DGKA: variants seen among roughly 807,000 people sequenced by gnomAD.
DGKA encodes diacylglycerol kinase alpha, also known as 80 kDa diacylglycerol kinase.
Under a neutral mutation model 105.0 loss-of-function variants are expected in DGKA, and 35 were observed. That is an observed-to-expected ratio of 0.33 (90% CI 0.25 to 0.44). The LOEUF is 0.44. DGKA is among the 20% of genes least tolerant of loss of function. The pLI is 1.00. For missense variants in DGKA, 665 were observed against 915.0 expected, an observed-to-expected ratio of 0.73 and a Z score of 3.53; for synonymous variants, 296 against 332.0, an observed-to-expected ratio of 0.89 and a Z score of 1.18.
At chr12:55,950,329 C>T (rs1427919685) in intron 17 of DGKA, among the ~76,000 whole-genome samples, 2 of 147,964 alleles carry the variant, frequency 1.4e-5, no homozygotes, top group African/African-American at 5.0e-5. Context: ...TTTTTTGAGA[C>T]GGAGTCTTGC....
At chr12:55,939,550 G>T (rs1885459069) in intron 9 of DGKA, 21 bp downstream of exon 9, 2 of 1,611,130 alleles carry the variant, frequency 1.2e-6, no homozygotes, top group African/African-American at 1.3e-5. Context: ...GGAGCTGGGA[G>T]GTAGGGGAAG....
At chr12:55,938,706 C>T (rs1297406878) in intron 6 of DGKA, 146 bp downstream of exon 6, 1 of 1,570,782 alleles carries the variant, frequency 6.4e-7, no homozygotes, top group Non-Finnish European at 8.6e-7. Context: ...AAAGTAAGTC[C>T]CAAGCTCTTG....
In DGKA at chr12:55,932,680, AAT is replaced by A; in HGVS notation, c.-82+1337_-82+1338del. The A allele has an allele frequency of 1.5e-6, 1 of 680,482 alleles. No homozygotes were observed. Among genetic ancestry groups the A allele is most frequent in the South Asian group, 1.5e-5 (1 of 65,026 alleles). The allele number at this position is 680,482 out of a possible 1,614,324, so 42.2% of individuals were successfully genotyped here. A position where few individuals can be genotyped will look rare whatever the true frequency, so the allele number is the denominator to read the frequency against. On this transcript the variant is annotated intron_variant, in intron 1 of 23. Coordinates refer to ENST00000331886, the MANE Select transcript of DGKA (RefSeq NM_001345.5). This position sits in a 1 kb window ranked among gnomAD's most constrained non-coding sequence, Gnocchi z 4.3. ...ATCGTAACTTCCTCCTATACTACGC[AAT>A]GACACCCTCTACACACACACACACA...
intron 1 of DGKA, among the ~76,000 whole-genome samples, chr12:55,934,743 C>T (rs1249181325): frequency 1.3e-5 from 2 of 152,248 alleles, no homozygotes; most frequent in Non-Finnish European, 2.9e-5. Flanking sequence ...CTCCTTTCCT[C>T]TGACTGTCAG....
At chr12:55,950,263 G>A (rs1010067416) in intron 17 of DGKA, among the ~76,000 whole-genome samples, 4 of 151,034 alleles carry the variant, frequency 2.6e-5, no homozygotes, top group East Asian at 2.0e-4. Flanking sequence ...ATCAGCCATC[G>A]CGCCCGGCCT....
chr12:55,937,508 C>T lies in DGKA; in HGVS notation c.239C>T (p.Thr80Ile). The change falls in exon 4 of 24, where the codon ACT (threonine) becomes ATT (isoleucine). Residue 80 changes from threonine to isoleucine, a missense_variant. Around this residue, in one of 3 missense-constraint regions of DGKA, gnomAD observed 504 missense variants for 681.2 expected, o/e 0.74. Coordinates refer to ENST00000331886, the MANE Select transcript of DGKA (RefSeq NM_001345.5). ...LSLALFQSFE[T>I]GHCLNETNVT... ...CTGGCACTGTTTCAATCCTTTGAGA[C>T]TGGTCACTGCTTAAATGAGACAAAT... 1 of 1,614,204 alleles carries T rather than the reference C, an allele frequency of 6.2e-7. No individual in the cohort carries two copies. The highest frequency in any genetic ancestry group is 8.5e-7 in the Non-Finnish European group (1 of 1,180,046).
At position 55,940,882 on chromosome 12, in the gene DGKA, T is replaced by G. The variant is rs767349259; in HGVS notation, c.1018-15T>G. On this transcript the variant is annotated splice_polypyrimidine_tract_variant and intron_variant, in intron 12 of 23. Coordinates refer to ENST00000331886, the MANE Select transcript of DGKA (RefSeq NM_001345.5). This position sits in a 1 kb window ranked among gnomAD's most constrained non-coding sequence, Gnocchi z 4.3. ...CAATACAGCTTTTCTTCCCTCTACT[T>G]TCTTCCCCTCCCAGGCCTCTGGACC... 4 of 1,613,550 alleles carry G rather than the reference T, an allele frequency of 2.5e-6. No individual in the cohort carries two copies. In the African/African-American group the frequency reaches 4.0e-5, roughly 16 times the overall value.
Position 55,932,713 on chromosome 12 carries a change from A to ACG in DGKA, c.-82+1370_-82+1371insGC. 4.1e-5 allele frequency: 8 copies of ACG among 195,968 alleles called. No individual in the cohort carries two copies. Among genetic ancestry groups the ACG allele is most frequent in the Non-Finnish European group, 7.6e-5 (8 of 105,220 alleles). 12.1% of individuals were successfully genotyped at this position (195,968 alleles called of 1,614,324 possible). ...CCTCTACACACACACACACACGCAC[A>ACG]CACACACACACACACACACACACAC... On this transcript the variant is annotated intron_variant, in intron 1 of 23. Transcript: ENST00000331886. The surrounding 1 kb of genome is among the most constrained non-coding windows in gnomAD (Gnocchi z 4.3).
chr12:55,938,519 A>G lies in DGKA; in HGVS notation c.358A>G (p.Lys120Glu). 2 of 1,614,054 alleles carry G rather than the reference A, an allele frequency of 1.2e-6. No homozygotes were observed. The highest frequency in any genetic ancestry group is 1.7e-6 in the Non-Finnish European group (2 of 1,179,992). Residue 120 changes from lysine (K) to glutamate (E), a missense_variant, in exon 6 of 24, where the codon AAG (lysine) becomes GAG (glutamate). Physicochemically the swap from Lys to Glu is moderately conservative, Grantham distance 56 (BLOSUM62 1). Transcript: ENST00000331886. ...CCTAAAACACCCCACAGTCACCTTC[A>G]AGCTGTACGACACGGACAGAAATGG... The part of the protein sequence containing the change: ...RPEDKLEFTF[K>E]LYDTDRNGIL...
In DGKA at chr12:55,939,542, A is replaced by T; in HGVS notation, c.709+13A>T. 6.2e-7 allele frequency: 1 copy of T among 1,613,148 alleles called. No individual in the cohort carries two copies. The highest frequency in any genetic ancestry group is 8.5e-7 in the Non-Finnish European group (1 of 1,179,426). ...CTGAGCTGTAACCGTGAGTAATGGG[A>T]GCTGGGAGGTAGGGGAAGAGGGTCA... On this transcript the variant is annotated intron_variant, in intron 9 of 23. Transcript: ENST00000331886.
chr12:55,941,461 AC>A, intron 14 of DGKA, 48 bp from the exon 15 acceptor site: 2 of 1,603,806 alleles, frequency 1.2e-6, no homozygotes, highest in Middle Eastern at 1.7e-4. Flanking sequence ...TCAGAAGATC[AC>A]CCCCAACCCC....
chr12:55,940,199 C>T lies in DGKA; in HGVS notation c.798+29C>T. ...AGTGATCTCATGCCTCCACCCCCAA[C>T]ATCACCTACATCCTGGCCCTGGCCC... is the stretch of plus-strand genomic sequence containing the variant. On this transcript the variant is annotated intron_variant, in intron 10 of 23. Coordinates refer to ENST00000331886, the MANE Select transcript of DGKA (RefSeq NM_001345.5). The surrounding 1 kb of genome is among the most constrained non-coding windows in gnomAD (Gnocchi z 4.3). The T allele has an allele frequency of 6.2e-7, 1 of 1,613,692 alleles. No individual in the cohort carries two copies.
Position 55,938,912 on chromosome 12 carries a change from C to T in DGKA, c.400-3C>T, listed in dbSNP as rs1208140058. On this transcript the variant is annotated splice_polypyrimidine_tract_variant and splice_region_variant and intron_variant, in intron 6 of 23. Coordinates refer to ENST00000331886, the MANE Select transcript of DGKA (RefSeq NM_001345.5). ...GCTGTGGCTCTTGCCCTTTTTGCTC[C>T]AGGAAGTGGACAAAATTATCCTACA... The T allele has an allele frequency of 6.2e-7, 1 of 1,613,960 alleles. No individual in the cohort carries two copies. The highest frequency in any genetic ancestry group is 8.5e-7 in the Non-Finnish European group (1 of 1,179,994).
At chr12:55,946,719 AC>A (rs992874042) in intron 17 of DGKA, among the ~76,000 whole-genome samples, 3 of 152,204 alleles carry the variant, frequency 2.0e-5, no homozygotes, top group African/African-American at 7.2e-5. Flanking sequence ...TCTGCCTACC[AC>A]AAAGACTAAA....
rs562396797 is a variant in DGKA at position 55,932,076 on chromosome 12, G to A, written c.-82+732G>A. 359 of 163,846 alleles carry A rather than the reference G, an allele frequency of 2.2e-3. No individual in the cohort carries two copies. The highest frequency in any genetic ancestry group is 8.2e-3 in the African/African-American group (344 of 41,768). The allele number at this position is 163,846 out of a possible 1,614,324, so 10.1% of individuals were successfully genotyped here. A position where few individuals can be genotyped will look rare whatever the true frequency, so the allele number is the denominator to read the frequency against. On this transcript the variant is annotated intron_variant, in intron 1 of 23. Transcript: ENST00000331886. This position sits in a 1 kb window ranked among gnomAD's most constrained non-coding sequence, Gnocchi z 4.3. ...CCCCTCCAGCCCAGCTCGGGCTCCA[G>A]CTCCAGCGCCGGCGCTTCAGCTGCG...
chr12:55,951,065 T>C (rs1352530816), intron 17 of DGKA, among the ~76,000 whole-genome samples: 1 of 152,128 alleles, frequency 6.6e-6, no homozygotes, highest in Non-Finnish European at 1.5e-5. Flanking sequence ...TAGAACCCAG[T>C]AGGTAGTTTT....
In DGKA at chr12:55,950,078, G is replaced by A. The variant is rs572090373; in HGVS notation, c.1427-1545G>A. ...CAACCTCCGCCTCATGGGTTCAAGC[G>A]ATTCTCCTGCCTCAGCCTCCCAAGT... On this transcript the variant is annotated intron_variant, in intron 17 of 23. Transcript: ENST00000331886. Among the ~76,000 whole-genome samples, 54 of 150,428 alleles carry A rather than the reference G, an allele frequency of 3.6e-4. No homozygotes were observed. In the South Asian group the frequency reaches 0.011, roughly 30 times the overall value.
chr12:55,938,580 TGCTGG>T lies in DGKA; in HGVS notation c.399+23_399+27del, dbSNP rs1254470741. The T allele has an allele frequency of 6.2e-7, 1 of 1,614,106 alleles. No individual in the cohort carries two copies. The highest frequency in any genetic ancestry group is 2.2e-5 in the East Asian group (1 of 44,890). ...AGCTCAGTGAGTTGGGGACCCTGTA[TGCTGG>T]GCAAGGGAATATGTGTTAATTTGTC... is the stretch of plus-strand genomic sequence containing the variant. On this transcript the variant is annotated intron_variant, in intron 6 of 23. Coordinates refer to ENST00000331886, the MANE Select transcript of DGKA (RefSeq NM_001345.5).
upstream of DGKA, chr12:55,927,614 A>G: frequency 7.2e-7 from 1 of 1,391,276 alleles, no homozygotes; most frequent in Non-Finnish European, 9.8e-7. Flanking sequence ...ATCTAACCCT[A>G]AGAAGGTGGG....
Sources: gnomAD v4.1 joint callset for allele counts (sites outside exome capture counted in the v4.1 genomes callset) on GRCh38, gnomAD v4.1.1 for gene constraint, gnomAD v4.1.1 regional missense constraint, Gnocchi (gnomAD v3.1) non-coding constraint, MANE v1.5 for transcripts, NCBI Gene and HGNC (gene_info 2026-07-23, HGNC 2026-07-21) for gene names.